Variants in ZNF280D observed in about 807,000 individuals in gnomAD.
The protein encoded by ZNF280D is suppressor of hairy wing homolog 4.
A neutral mutation model predicts 94.7 loss-of-function variants in ZNF280D; 39 were observed. The ratio of observed to expected loss-of-function variants is 0.41; its 90% CI spans 0.32 to 0.54. ZNF280D has a LOEUF of 0.54. Ranked by LOEUF, ZNF280D falls within the 20% of genes least tolerant of loss-of-function variation. ZNF280D has a pLI of 0.22. For synonymous variants in ZNF280D, 398 were observed against 377.6 expected (o/e 1.05, Z -0.63); for missense variants, 1,090 against 1,149.3 (o/e 0.95, Z 0.75).
chr15:56,707,406 T>C, intron 1 of ZNF280D, 100 bp from the exon 2 acceptor site: 2 of 976,212 alleles, frequency 2.0e-6, no homozygotes, highest in Non-Finnish European at 2.9e-6. Context: ...ATGTTTGATA[T>C]ATCTGATATA....
chr15:56,670,025 G>T (rs1566961650), intron 13 of ZNF280D, among the ~76,000 whole-genome samples: 1 of 15,338 alleles, frequency 6.5e-5, no homozygotes, highest in Non-Finnish European at 1.2e-4. Flanking sequence ...TATATATAGT[G>T]GTTTTAGAGA....
intron 6 of ZNF280D, among the ~76,000 whole-genome samples, chr15:56,695,239 A>G (rs1345436483): frequency 6.6e-6 from 1 of 151,760 alleles, no homozygotes; most frequent in Non-Finnish European, 1.5e-5. Flanking sequence ...CACCCAGGTA[A>G]TTTTCATATT....
chr15:56,642,895 A>G, intron 20 of ZNF280D, 57 bp downstream of exon 20: 4 of 1,270,330 alleles, frequency 3.1e-6, no homozygotes, highest in Non-Finnish European at 4.2e-6. Flanking sequence ...TTTATATCAT[A>G]CCAATAATAC....
At chr15:56,660,584 A>G (rs1275025890) in intron 16 of ZNF280D, among the ~76,000 whole-genome samples, 1 of 152,128 alleles carries the variant, frequency 6.6e-6, no homozygotes, top group Non-Finnish European at 1.5e-5. Context: ...CCTTCTTCCT[A>G]TTAGCTCTCC....
chr15:56,676,505 A>G (rs2140961744), intron 13 of ZNF280D, among the ~76,000 whole-genome samples, 165 bp downstream of exon 13: 1 of 152,292 alleles, frequency 6.6e-6, no homozygotes. Context: ...GAAGTAAGGA[A>G]AAGAAGTGGA....
chr15:56,633,416 T>C (rs150778236), intron 21 of ZNF280D, among the ~76,000 whole-genome samples: 9 of 152,192 alleles, frequency 5.9e-5, no homozygotes, highest in Admixed American at 2.0e-4. Flanking sequence ...ACTTTTAATA[T>C]GTAAAAGATA....
At chr15:56,708,120 TA>T (rs1443707294) in intron 1 of ZNF280D, among the ~76,000 whole-genome samples, 4 of 152,110 alleles carry the variant, frequency 2.6e-5, no homozygotes, top group African/African-American at 9.7e-5. Flanking sequence ...AATATATAAC[TA>T]ATTCAACCTT....
intron 18 of ZNF280D, 37 bp downstream of exon 18, chr15:56,654,348 G>A (rs1254677922): frequency 6.3e-7 from 1 of 1,595,032 alleles, no homozygotes. Flanking sequence ...TGGAATAAAA[G>A]TCAAAAATCT....
intron 13 of ZNF280D, among the ~76,000 whole-genome samples, chr15:56,675,452 C>G (rs1372051589): frequency 6.6e-6 from 1 of 150,982 alleles, no homozygotes; most frequent in Non-Finnish European, 1.5e-5. Flanking sequence ...TTTTATAACA[C>G]TATGTTCAAC....
chr15:56,719,746 G>C (rs1183240851), intron 1 of ZNF280D, among the ~76,000 whole-genome samples: 1 of 151,964 alleles, frequency 6.6e-6, no homozygotes, highest in African/African-American at 2.4e-5. Flanking sequence ...AGTGAATATT[G>C]CAATAAAGCA....
intron 1 of ZNF280D, among the ~76,000 whole-genome samples, chr15:56,718,964 T>C (rs1460911686): frequency 6.6e-6 from 1 of 152,220 alleles, no homozygotes; most frequent in South Asian, 2.1e-4. Flanking sequence ...TGTACTCACC[T>C]ACTCCTTTTT....
intron 13 of ZNF280D, among the ~76,000 whole-genome samples, chr15:56,670,009 A>AATATATATATATT (rs2054745593): frequency 3.4e-4 from 1 of 2,978 alleles, no homozygotes; most frequent in Non-Finnish European, 4.8e-4. Flanking sequence ...ATATATATAT[A>AATATATATATATT]ATATATATAT....
intron 4 of ZNF280D, among the ~76,000 whole-genome samples, chr15:56,702,060 A>G (rs1262222489): frequency 6.6e-6 from 1 of 150,892 alleles, no homozygotes; most frequent in Non-Finnish European, 1.5e-5. Flanking sequence ...AAATCTCATA[A>G]AAATTTCTTT....
At chr15:56,709,304 A>C (rs149862802) in intron 1 of ZNF280D, among the ~76,000 whole-genome samples, 34,315 of 151,294 alleles carry the variant, frequency 0.23, 4,307 homozygotes, top group Middle Eastern at 0.34. Context: ...GAAAACCACA[A>C]TGAGATACCA....
chr15:56,660,930 A>G (rs2053899050), intron 16 of ZNF280D, among the ~76,000 whole-genome samples: 1 of 151,366 alleles, frequency 6.6e-6, no homozygotes, highest in South Asian at 2.1e-4. Context: ...CGATGATACA[A>G]CAACAAAGGC....
rs1596481471 is a variant in ZNF280D, at chr15:56,682,442, T to C, written c.816A>G (p.Gly272=). ...TACTTGAAAATTCTGTTTTAGCCAG[T>C]CCCAAAAAGTTATTTATCATGTCTG... is the stretch of plus-strand genomic sequence containing the variant. ...CCPDMINNFL[G]LAKTEFSSTV... Residue 272 remains glycine (G), a synonymous_variant, in exon 10 of 22, where the codon GGA becomes GGG. Transcript: ENST00000267807. 6.5e-7 allele frequency: 1 copy of C among 1,527,192 alleles called. No individual in the cohort carries two copies. Among genetic ancestry groups the C allele is most frequent in the Admixed American group, 2.3e-5 (1 of 43,430 alleles). The allele number at this position is 1,527,192 out of a possible 1,614,324, so 94.6% of individuals were successfully genotyped here. A position where few individuals can be genotyped will look rare whatever the true frequency, so the allele number is the denominator to read the frequency against.
intron 19 of ZNF280D, chr15:56,652,526 A>G (rs903187981): frequency 1.7e-6 from 1 of 595,548 alleles, no homozygotes; most frequent in Non-Finnish European, 2.1e-6. Context: ...TAATAGTATA[A>G]AAAGTTTAGA....
At chr15:56,704,309 T>C (rs376562824) in intron 3 of ZNF280D, 42 bp from the exon 4 acceptor site, 165 of 1,539,218 alleles carry the variant, frequency 1.1e-4, no homozygotes, top group Non-Finnish European at 1.4e-4. Flanking sequence ...TTTTTGAAAA[T>C]AAAAATAAAA....
chr15:56,718,116 TA>T (rs1156800802), intron 1 of ZNF280D, among the ~76,000 whole-genome samples: 30 of 147,510 alleles, frequency 2.0e-4, no homozygotes, highest in Non-Finnish European at 3.3e-4. Context: ...ATTATTTCAG[TA>T]AAAAAAAAAA....
Sources: gnomAD v4.1 joint callset for allele counts (sites outside exome capture counted in the v4.1 genomes callset) on GRCh38, gnomAD v4.1.1 for gene constraint, MANE v1.5 for transcripts, NCBI Gene and HGNC (gene_info 2026-07-23, HGNC 2026-07-21) for gene names.